The following PSKH1 variants were observed in gnomAD, a reference collection of about 807,000 sequenced individuals.
The protein encoded by PSKH1 is serine/threonine-protein kinase H1.
Under a neutral mutation model 26.7 loss-of-function variants are expected in PSKH1, and 12 were observed. That is an observed-to-expected ratio of 0.45 (90% CI 0.29 to 0.73). The LOEUF (loss-of-function observed/expected upper bound fraction) is 0.73, where lower values mean the gene tolerates loss of function less well. Ranked by LOEUF, PSKH1 falls within the 30% of genes least tolerant of loss-of-function variation. PSKH1 has a pLI of 0.11. For synonymous variants in PSKH1, 213 were observed against 234.3 expected, an observed-to-expected ratio of 0.91 and a Z score of 0.83; for missense variants, 431 against 595.2, an observed-to-expected ratio of 0.72 and a Z score of 2.87.
rs912114837 is a variant in PSKH1, at chr16:67,928,011, T to G, written c.*369T>G. The G allele has an allele frequency of 8.5e-5, 21 of 246,964 alleles. No individual in the cohort carries two copies. Among genetic ancestry groups the G allele is most frequent in the Non-Finnish European group, 1.2e-4 (15 of 127,216 alleles). 15.3% of individuals were successfully genotyped at this position (246,964 alleles called of 1,614,324 possible). A position where few individuals can be genotyped will look rare whatever the true frequency, so the allele number is the denominator to read the frequency against. ...AAGGGAACTGCAGTGCTGGGTGGAG[T>G]GTCCTGTGGCCTCAGGACCCTTTGG... On this transcript the variant is annotated 3_prime_UTR_variant, in exon 3 of 3. Coordinates refer to ENST00000291041, the MANE Select transcript of PSKH1 (RefSeq NM_006742.3). This position sits in a 1 kb window ranked among gnomAD's most constrained non-coding sequence, Gnocchi z 4.8.
At chr16:67,915,206 A>T (rs373620468) in intron 2 of PSKH1, among the ~76,000 whole-genome samples, 4 of 144,622 alleles carry the variant, frequency 2.8e-5, no homozygotes, top group Non-Finnish European at 4.5e-5. Context: ...AGAGAGAGAG[A>T]GAGTGTGTGT....
intron 1 of PSKH1, among the ~76,000 whole-genome samples, chr16:67,895,174 C>T (rs1223593803): frequency 4.0e-5 from 6 of 151,816 alleles, no homozygotes; most frequent in Non-Finnish European, 8.8e-5. Flanking sequence ...CCACCTGCCT[C>T]GGCCTCCCAA....
chr16:67,925,814 C>T (rs1303025317), intron 2 of PSKH1, among the ~76,000 whole-genome samples: 1 of 152,136 alleles, frequency 6.6e-6, no homozygotes, highest in Non-Finnish European at 1.5e-5. Flanking sequence ...TGCAGGTAGC[C>T]CCAGGCCTTC....
chr16:67,915,988 A>G (rs1222373569), intron 2 of PSKH1, among the ~76,000 whole-genome samples: 1 of 152,214 alleles, frequency 6.6e-6, no homozygotes, highest in Admixed American at 6.5e-5. Flanking sequence ...TGGCAGACAC[A>G]TGTGAACACA....
In PSKH1 at chr16:67,915,299, A is replaced by G. The variant is rs547911938; in HGVS notation, c.957+5593A>G. On this transcript the variant is annotated intron_variant, in intron 2 of 2. Coordinates refer to ENST00000291041, the MANE Select transcript of PSKH1 (RefSeq NM_006742.3). ...TACCCTTTACCTGGAGCTGAAAAGC[A>G]TCAGTTTCCAGCTCCAGAGGCAAAT... 3.3e-5 allele frequency among the ~76,000 whole-genome samples: 5 copies of G among 152,038 alleles called. No homozygotes were observed. In the East Asian group the frequency reaches 9.7e-4, roughly 29 times the overall value.
At chr16:67,913,872 G>T (rs1229895228) in intron 2 of PSKH1, among the ~76,000 whole-genome samples, 3 of 152,174 alleles carry the variant, frequency 2.0e-5, no homozygotes, top group Admixed American at 1.3e-4. Context: ...GGTTTTTTAG[G>T]CAGGTGCCTT....
chr16:67,911,430 C>G (rs1049829821), intron 2 of PSKH1, among the ~76,000 whole-genome samples: 2 of 152,080 alleles, frequency 1.3e-5, no homozygotes, highest in Admixed American at 6.6e-5. Context: ...CGCCTGTAAT[C>G]CCAGCACTTT....
Position 67,927,672 on chromosome 16 carries a change from A to G in PSKH1, c.*30A>G. ...CCTGGCTGTGCACACATGCAGCACG[A>G]CCCAGCCTGGCCACACACTGTGGTG... On this transcript the variant is annotated 3_prime_UTR_variant, in exon 3 of 3. Transcript: ENST00000291041. This position sits in a 1 kb window ranked among gnomAD's most constrained non-coding sequence, Gnocchi z 5.5. The G allele has an allele frequency of 6.4e-7, 1 of 1,569,576 alleles. No homozygotes were observed. Among genetic ancestry groups the G allele is most frequent in the Non-Finnish European group, 8.6e-7 (1 of 1,162,240 alleles).
intron 1 of PSKH1, among the ~76,000 whole-genome samples, chr16:67,898,543 G>T (rs908011762): frequency 6.6e-6 from 1 of 151,862 alleles, no homozygotes; most frequent in African/African-American, 2.4e-5. Context: ...GTGCCACTGC[G>T]TCCAGCCTTA....
chr16:67,895,159 G>T (rs2151309281), intron 1 of PSKH1, among the ~76,000 whole-genome samples: 1 of 151,972 alleles, frequency 6.6e-6, no homozygotes, highest in Non-Finnish European at 1.5e-5. Context: ...CTGACCTCAG[G>T]TGATCCACCT....
chr16:67,895,484 C>T (rs1208420667), intron 1 of PSKH1, among the ~76,000 whole-genome samples: 1 of 151,740 alleles, frequency 6.6e-6, no homozygotes, highest in African/African-American at 2.4e-5. Flanking sequence ...TCTCGGCTCA[C>T]TGCAACCTCC....
In PSKH1 at chr16:67,929,608, G is replaced by A. The variant is rs1329997340; in HGVS notation, c.*1966G>A. On this transcript the variant is annotated 3_prime_UTR_variant, in exon 3 of 3. Transcript: ENST00000291041. Reference sequence around the variant, plus strand: ...TGCAGTTATTTATTATGCGTATTCAGTTTGTAAACGTATCCTCTGTATTCA... The same window carrying A: ...TGCAGTTATTTATTATGCGTATTCAATTTGTAAACGTATCCTCTGTATTCA... 1 of 332,354 alleles carries A rather than the reference G, an allele frequency of 3.0e-6. No individual in the cohort carries two copies. Among genetic ancestry groups the A allele is most frequent in the Non-Finnish European group, 5.7e-6 (1 of 176,230 alleles). The allele number at this position is 332,354 out of a possible 1,614,324, so 20.6% of individuals were successfully genotyped here.
chr16:67,911,026 G>A (rs989058864), intron 2 of PSKH1, among the ~76,000 whole-genome samples: 4 of 152,088 alleles, frequency 2.6e-5, no homozygotes, highest in Admixed American at 1.3e-4. Context: ...TGGTCCTTAG[G>A]AAGGATGCTG....
At chr16:67,901,995 C>G (rs1456824284) in intron 1 of PSKH1, among the ~76,000 whole-genome samples, 1 of 152,090 alleles carries the variant, frequency 6.6e-6, no homozygotes, top group Admixed American at 6.5e-5. Flanking sequence ...TGCAGTGGCT[C>G]ACACCTGTAA....
chr16:67,908,044 G>A (rs1184524205), intron 1 of PSKH1, among the ~76,000 whole-genome samples: 1 of 152,142 alleles, frequency 6.6e-6, no homozygotes, highest in Admixed American at 6.5e-5. Context: ...TAGGATAAGG[G>A]GCCCAGGCAG....
intron 1 of PSKH1, among the ~76,000 whole-genome samples, chr16:67,894,921 G>GTTTTTTTTT (rs553685060): frequency 8.1e-6 from 1 of 123,088 alleles, no homozygotes; most frequent in Non-Finnish European, 1.7e-5. Context: ...GTCTGAGTTA[G>GTTTTTTTTT]TTTTTTTTTT....
chr16:67,923,718 T>C (rs773986039), intron 2 of PSKH1, among the ~76,000 whole-genome samples: 1 of 152,250 alleles, frequency 6.6e-6, no homozygotes, highest in Non-Finnish European at 1.5e-5. Context: ...TGTGTGTCCC[T>C]GGTATGGCTC....
chr16:67,916,352 G>A (rs539515198), intron 2 of PSKH1, among the ~76,000 whole-genome samples: 5 of 152,264 alleles, frequency 3.3e-5, no homozygotes, highest in Non-Finnish European at 5.9e-5. Flanking sequence ...ACACCAGGCC[G>A]GGTCTGGTGT....
rs547198826 is a variant in PSKH1, at chr16:67,927,928, G to A, written c.*286G>A. On this transcript the variant is annotated 3_prime_UTR_variant, in exon 3 of 3. Transcript: ENST00000291041. The surrounding 1 kb of genome is among the most constrained non-coding windows in gnomAD (Gnocchi z 5.5). ...GTGGGCAGCTGCTCTGGTGGAGTTG[G>A]GAAGGGATAGGACCTGGCCTTCACT... is the stretch of plus-strand genomic sequence containing the variant. 8.7e-4 allele frequency: 436 copies of A among 500,962 alleles called. 1 individual carries two copies. Among genetic ancestry groups the A allele is most frequent in the Non-Finnish European group, 1.1e-3 (299 of 278,364 alleles). 31.0% of individuals were successfully genotyped at this position (500,962 alleles called of 1,614,324 possible). A position where few individuals can be genotyped will look rare whatever the true frequency, so the allele number is the denominator to read the frequency against.
Sources: allele counts gnomAD v4.1 joint callset (sites outside exome capture counted in the v4.1 genomes callset), GRCh38; gene constraint gnomAD v4.1.1; non-coding constraint Gnocchi (gnomAD v3.1); transcripts MANE v1.5; gene names NCBI Gene and HGNC (gene_info 2026-07-23, HGNC 2026-07-21).